The following PCCA variants were observed in gnomAD, a reference collection of about 807,000 sequenced individuals.
PCCA encodes propionyl-CoA carboxylase subunit alpha.
A neutral mutation model predicts 101.3 loss-of-function variants in PCCA; 74 were observed. The ratio of observed to expected loss-of-function variants is 0.73; its 90% confidence interval spans 0.61 to 0.89. PCCA has a LOEUF of 0.89. Ranked by LOEUF, PCCA falls within the 40% of genes least tolerant of loss-of-function variation. The pLI, the probability that PCCA is intolerant of heterozygous loss-of-function variation, is 0.00. For missense variants in PCCA, 891 were observed against 907.0 expected (o/e 0.98, Z 0.23); for synonymous variants, 294 against 313.6 (o/e 0.94, Z 0.66).
intron 4 of PCCA, among the ~76,000 whole-genome samples, chr13:100,119,810 C>T (rs1462319425): frequency 2.0e-5 from 3 of 152,066 alleles, no homozygotes; most frequent in Non-Finnish European, 4.4e-5. Flanking sequence ...ATTGAGATTC[C>T]CACCTTCACT....
chr13:100,319,410 C>T (rs1269857777), intron 16 of PCCA, among the ~76,000 whole-genome samples: 2 of 152,108 alleles, frequency 1.3e-5, no homozygotes, highest in African/African-American at 4.8e-5. Context: ...AGTCCTTGCC[C>T]ATGTCTATGT....
chr13:100,527,581 G>T, intron 22 of PCCA, 94 bp from the exon 23 acceptor site: 1 of 819,734 alleles, frequency 1.2e-6, no homozygotes. Context: ...CATATTTTGG[G>T]GCATTTGACA....
At chr13:100,384,139 G>A (rs2076374768) in intron 19 of PCCA, among the ~76,000 whole-genome samples, 1 of 151,794 alleles carries the variant, frequency 6.6e-6, no homozygotes, top group South Asian at 2.1e-4. Context: ...TATTCTCATG[G>A]CTCAGCTTCC....
chr13:100,193,398 A>T (rs886970849), intron 6 of PCCA, among the ~76,000 whole-genome samples: 2 of 152,224 alleles, frequency 1.3e-5, no homozygotes, highest in Admixed American at 1.3e-4. Context: ...GAAGTGTCAT[A>T]GATACTACAA....
chr13:100,228,931 T>C (rs1364389025), intron 7 of PCCA, among the ~76,000 whole-genome samples: 1 of 151,810 alleles, frequency 6.6e-6, no homozygotes, highest in East Asian at 1.9e-4. Context: ...CAAAGTATAT[T>C]TAGTAAAATA....
At chr13:100,197,959 G>A (rs1237811131) in intron 6 of PCCA, among the ~76,000 whole-genome samples, 3 of 152,120 alleles carry the variant, frequency 2.0e-5, no homozygotes, top group Admixed American at 2.0e-4. Flanking sequence ...ACCAGAAATG[G>A]CCTTGTTGGA....
At chr13:100,486,840 G>A (rs548350950) in intron 21 of PCCA, among the ~76,000 whole-genome samples, 1 of 152,268 alleles carries the variant, frequency 6.6e-6, no homozygotes, top group African/African-American at 2.4e-5. Context: ...GATCGCTTGA[G>A]CCCAGGAAGT....
chr13:100,119,067 A>G (rs1243260491), intron 4 of PCCA, among the ~76,000 whole-genome samples: 2 of 152,080 alleles, frequency 1.3e-5, no homozygotes, highest in Non-Finnish European at 2.9e-5. Flanking sequence ...TTTTGCATCG[A>G]TAATGAAAAT....
intron 6 of PCCA, among the ~76,000 whole-genome samples, chr13:100,177,133 G>C (rs1349907275): frequency 6.6e-6 from 1 of 152,100 alleles, no homozygotes; most frequent in African/African-American, 2.4e-5. Flanking sequence ...TTTAATTGGT[G>C]TTTTATTTTC....
At chr13:100,335,803 G>T (rs2070358096) in intron 17 of PCCA, among the ~76,000 whole-genome samples, 1 of 152,102 alleles carries the variant, frequency 6.6e-6, no homozygotes, top group Non-Finnish European at 1.5e-5. Context: ...GAAAGTAGAC[G>T]ATCCTTGAAA....
chr13:100,291,403 G>T lies in PCCA; in HGVS notation c.1066-10057G>T, dbSNP rs572489088. Among the ~76,000 whole-genome samples, 8 of 152,310 alleles carry T rather than the reference G, an allele frequency of 5.3e-5. No homozygotes were observed. In the South Asian group the frequency reaches 1.7e-3, roughly 32 times the overall value. ...CAGGGGTCCTGGGACCAATCCCCTGGGGAGATGGAAGGAGGACTCAGGGGA... is the reference window on the plus strand; with the variant it reads ...CAGGGGTCCTGGGACCAATCCCCTGTGGAGATGGAAGGAGGACTCAGGGGA... On this transcript the variant is annotated intron_variant, in intron 12 of 23. Coordinates refer to ENST00000376285, the MANE Select transcript of PCCA (RefSeq NM_000282.4).
rs1257111334 is a variant in PCCA at position 100,422,065 on chromosome 13, TTTTCTTTTCTTTCTTTCTTTC to T, written c.1747-3560_1747-3540del. 4.2e-3 allele frequency among the ~76,000 whole-genome samples: 251 copies of T among 59,402 alleles called. 6 individuals are homozygous for T. Among genetic ancestry groups the T allele is most frequent in the African/African-American group, 0.013 (219 of 17,362 alleles). The allele number at this position is 59,402 out of a possible 152,430, so 39.0% of individuals were successfully genotyped here. On this transcript the variant is annotated intron_variant, in intron 19 of 23. Transcript: ENST00000376285. Reference sequence around the variant, plus strand: ...TTCTTTCTTTTCCTTTTCTCTTCTCTTTTCTTTTCTTTCTTTCTTTCTTTCTTTCTTTCTTTCTTTCTTTCT... The same window carrying T: ...TTCTTTCTTTTCCTTTTCTCTTCTCTTTTCTTTCTTTCTTTCTTTCTTTCT...
At chr13:100,349,383 T>C (rs1261708921) in intron 18 of PCCA, among the ~76,000 whole-genome samples, 36 of 152,306 alleles carry the variant, frequency 2.4e-4, no homozygotes, top group Non-Finnish European at 1.2e-4. Context: ...CACCTCGGCC[T>C]CCCAAAGTGC....
At chr13:100,235,726 G>C (rs759417494) in intron 7 of PCCA, 116 bp from the exon 8 acceptor site, 10 of 753,382 alleles carry the variant, frequency 1.3e-5, no homozygotes, top group Non-Finnish European at 2.5e-5. Context: ...TTAGAAGGTA[G>C]TAAAATTGAA....
At chr13:100,113,874 C>T (rs61391611) in intron 4 of PCCA, among the ~76,000 whole-genome samples, 216 of 152,190 alleles carry the variant, frequency 1.4e-3, no homozygotes, top group African/African-American at 4.6e-3. Flanking sequence ...CCACCACGCC[C>T]GGTTTACTCT....
At chr13:100,125,229 G>A (rs1473401842) in intron 4 of PCCA, among the ~76,000 whole-genome samples, 1 of 151,742 alleles carries the variant, frequency 6.6e-6, no homozygotes, top group Non-Finnish European at 1.5e-5. Flanking sequence ...GATATTTTAA[G>A]ATGATGGCTG....
chr13:100,463,335 G>A (rs968179523), intron 21 of PCCA, among the ~76,000 whole-genome samples: 3 of 121,890 alleles, frequency 2.5e-5, no homozygotes, highest in African/African-American at 1.0e-4. Flanking sequence ...TTATTGGTGT[G>A]GTTTTTTTTT....
chr13:100,325,934 C>G (rs1445086679), intron 16 of PCCA, among the ~76,000 whole-genome samples: 2 of 152,136 alleles, frequency 1.3e-5, no homozygotes, highest in Non-Finnish European at 2.9e-5. Flanking sequence ...CTCCCCAAAC[C>G]CAACAAGTCT....
At chr13:100,467,382 C>T (rs1242530815) in intron 21 of PCCA, among the ~76,000 whole-genome samples, 1 of 151,898 alleles carries the variant, frequency 6.6e-6, no homozygotes, top group East Asian at 1.9e-4. Flanking sequence ...TGGGCACATT[C>T]TTTTTTTGAG....
Sources: allele counts gnomAD v4.1 joint callset (sites outside exome capture counted in the v4.1 genomes callset), GRCh38; gene constraint gnomAD v4.1.1; transcripts MANE v1.5; gene names NCBI Gene and HGNC (gene_info 2026-07-23, HGNC 2026-07-21).